The following CACNB4 variants were observed in gnomAD, a reference collection of about 807,000 sequenced individuals.
CACNB4 encodes the protein calcium voltage-gated channel auxiliary subunit beta 4, also known as voltage-dependent L-type calcium channel subunit beta-4.
In CACNB4, 32 loss-of-function variants were observed where a neutral mutation model predicts 71.2. That is an observed-to-expected ratio of 0.45 (90% CI 0.34 to 0.60). The LOEUF (loss-of-function observed/expected upper bound fraction) is 0.60, where lower values mean the gene tolerates loss of function less well. Ranked by LOEUF, CACNB4 falls within the 20% of genes least tolerant of loss-of-function variation. The pLI, the probability that CACNB4 is intolerant of heterozygous loss-of-function variation, is 0.01. For synonymous variants in CACNB4, 231 were observed against 236.9 expected, an observed-to-expected ratio of 0.97 and a Z score of 0.23; for missense variants, 464 against 647.9, an observed-to-expected ratio of 0.72 and a Z score of 3.08.
At chr2:151,987,177 A>G (rs1309358063) in intron 2 of CACNB4, among the ~76,000 whole-genome samples, 2 of 152,184 alleles carry the variant, frequency 1.3e-5, no homozygotes, top group East Asian at 1.9e-4. Context: ...TCTGCAGACA[A>G]CCTCCGCAAC....
At chr2:151,885,303 A>G (rs1014834941) in intron 2 of CACNB4, among the ~76,000 whole-genome samples, 1 of 152,224 alleles carries the variant, frequency 6.6e-6, no homozygotes, top group African/African-American at 2.4e-5. Flanking sequence ...ATGAGCAGTA[A>G]TATTTACTGA....
chr2:152,035,934 T>C (rs1684567030), intron 2 of CACNB4, among the ~76,000 whole-genome samples: 1 of 152,152 alleles, frequency 6.6e-6, no homozygotes. Context: ...TAAATGTCCA[T>C]CTATGCATGA....
chr2:151,988,290 A>C (rs1444998766), intron 2 of CACNB4, among the ~76,000 whole-genome samples: 1 of 152,110 alleles, frequency 6.6e-6, no homozygotes, highest in Non-Finnish European at 1.5e-5. Context: ...TCAGTTGTTC[A>C]TATTCACTTA....
chr2:151,854,806 T>G (rs2099839858), intron 11 of CACNB4: 1 of 153,802 alleles, frequency 6.5e-6, no homozygotes, highest in African/African-American at 2.4e-5. Context: ...GATATTCTAT[T>G]TTATATATGA....
At chr2:152,025,339 C>T (rs542642820) in intron 2 of CACNB4, among the ~76,000 whole-genome samples, 1 of 152,274 alleles carries the variant, frequency 6.6e-6, no homozygotes, top group African/African-American at 2.4e-5. Flanking sequence ...GCTTCAGAGG[C>T]GAGAGCTGGG....
chr2:152,042,866 T>C (rs1186722301), intron 2 of CACNB4, among the ~76,000 whole-genome samples: 1 of 152,134 alleles, frequency 6.6e-6, no homozygotes, highest in African/African-American at 2.4e-5. Flanking sequence ...CACAAAGACC[T>C]TGCTGATAAA....
chr2:152,087,140 A>T (rs1014909720), intron 2 of CACNB4, among the ~76,000 whole-genome samples: 1 of 145,342 alleles, frequency 6.9e-6, no homozygotes. Flanking sequence ...CTGAAAAAAT[A>T]AAAAAAAAAA....
At chr2:152,089,785 GA>G (rs70974820) in intron 2 of CACNB4, among the ~76,000 whole-genome samples, 7,166 of 146,614 alleles carry the variant, frequency 0.049, 194 homozygotes, top group Non-Finnish European at 0.064. Context: ...TAAAAAAAAA[GA>G]AAAAAAAAAG....
chr2:151,866,732 C>G lies in CACNB4; in HGVS notation c.758+2445G>C, dbSNP rs189193763. The G allele has an allele frequency of 1.8e-4, 27 of 152,332 alleles. No individual in the cohort carries two copies. In the East Asian group the frequency reaches 4.4e-3, roughly 25 times the overall value. 9.4% of individuals were successfully genotyped at this position (152,332 alleles called of 1,614,324 possible). A position where few individuals can be genotyped will look rare whatever the true frequency, so the allele number is the denominator to read the frequency against. On this transcript the variant is annotated intron_variant, in intron 9 of 13. Transcript: ENST00000539935. ...CAAGTCCATTCTCTCACCCCTCACC[C>G]CTTTAATATCTACCTATCTTTCTCC...
At chr2:152,086,013 TA>T (rs927841365) in intron 2 of CACNB4, among the ~76,000 whole-genome samples, 16 of 152,148 alleles carry the variant, frequency 1.1e-4, no homozygotes, top group African/African-American at 3.9e-4. Flanking sequence ...GTCTTCTTAC[TA>T]AAGAGGGGAA....
At chr2:152,007,746 T>C (rs917748022) in intron 2 of CACNB4, among the ~76,000 whole-genome samples, 2 of 152,090 alleles carry the variant, frequency 1.3e-5, no homozygotes, top group Non-Finnish European at 2.9e-5. Context: ...AGAAGTGGAA[T>C]TGCTGGATCA....
At chr2:151,986,084 TGAA>T (rs1681354314) in intron 2 of CACNB4, among the ~76,000 whole-genome samples, 2 of 152,208 alleles carry the variant, frequency 1.3e-5, no homozygotes, top group South Asian at 2.1e-4. Context: ...CTTAGGCATA[TGAA>T]GAAGAGCATT....
intron 2 of CACNB4, among the ~76,000 whole-genome samples, chr2:151,911,654 C>T (rs989848209): frequency 1.3e-5 from 2 of 152,160 alleles, no homozygotes; most frequent in Admixed American, 1.3e-4. Context: ...TGTTATACCT[C>T]TTCCTGGTTT....
chr2:151,884,112 T>C (rs6748807), intron 2 of CACNB4: 72,956 of 151,452 alleles, frequency 0.48, 21,807 homozygotes, highest in Non-Finnish European at 0.67. Context: ...CCAGCCTGGC[T>C]GACATGGTGA....
chr2:151,926,708 A>G (rs985209414), intron 2 of CACNB4, among the ~76,000 whole-genome samples: 4 of 152,358 alleles, frequency 2.6e-5, no homozygotes, highest in Admixed American at 2.6e-4. Flanking sequence ...GTTGTTACAT[A>G]TATCTCAAAA....
intron 2 of CACNB4, among the ~76,000 whole-genome samples, chr2:151,909,518 G>T (rs144544027): frequency 0.014 from 2,061 of 151,232 alleles, 21 homozygotes; most frequent in Middle Eastern, 0.041. Flanking sequence ...GTATATGTGT[G>T]CCATGGTGGT....
At chr2:151,853,392 A>G in intron 12 of CACNB4, 56 bp downstream of exon 12, 1 of 989,234 alleles carries the variant, frequency 1.0e-6, no homozygotes, top group South Asian at 1.6e-5. Flanking sequence ...AGAAAAAAAA[A>G]CCCACCCTCT....
intron 2 of CACNB4, among the ~76,000 whole-genome samples, chr2:151,892,387 A>C (rs1559945645): frequency 6.6e-6 from 1 of 151,986 alleles, no homozygotes; most frequent in Non-Finnish European, 1.5e-5. Flanking sequence ...AAAAGAAAAG[A>C]CTTCCTTCTG....
At chr2:151,869,992 C>A in intron 8 of CACNB4, 1 of 534,728 alleles carries the variant, frequency 1.9e-6, no homozygotes, top group Non-Finnish European at 3.3e-6. Context: ...TTTTCCTTGT[C>A]ACATGGTTTT....
Sources: allele counts gnomAD v4.1 joint callset (sites outside exome capture counted in the v4.1 genomes callset), GRCh38; gene constraint gnomAD v4.1.1; transcripts MANE v1.5; gene names NCBI Gene and HGNC (gene_info 2026-07-23, HGNC 2026-07-21).